Variants in NECTIN2 observed in about 807,000 individuals in gnomAD.
NECTIN2 encodes the protein nectin cell adhesion molecule 2, also known as nectin-2.
A neutral mutation model predicts 56.9 loss-of-function variants in NECTIN2; 23 were observed. The ratio of observed to expected loss-of-function variants is 0.40; its 90% CI spans 0.29 to 0.57. NECTIN2 has a LOEUF of 0.57. NECTIN2 is among the 20% of genes least tolerant of loss of function. NECTIN2 has a pLI of 0.38. For synonymous variants in NECTIN2, 302 were observed against 313.8 expected (o/e 0.96, Z 0.40); for missense variants, 587 against 718.3 (o/e 0.82, Z 2.09).
In NECTIN2 at chr19:44,865,575, G is replaced by T. The variant is rs528180868; in HGVS notation, c.393G>T (p.Thr131=). The T allele has an allele frequency of 5.2e-6, 8 of 1,550,238 alleles. No homozygotes were observed. In the African/African-American group the frequency reaches 1.1e-4, roughly 21 times the overall value. The change falls in exon 2 of 9, where the codon ACG becomes ACT. Residue 131 remains threonine, a synonymous_variant. Transcript: ENST00000252483. This position sits in a 1 kb window ranked among gnomAD's most constrained non-coding sequence, Gnocchi z 5.2. ...CCACGCTGGCCCTCCACGGGCTCAC[G>T]GTGGAGGACGAGGGCAACTACACTT... ...QDATLALHGL[T]VEDEGNYTCE... is the part of the protein sequence containing the mutation.
intron 3 of NECTIN2, 93 bp downstream of exon 3, chr19:44,872,242 G>T: frequency 1.4e-6 from 2 of 1,449,798 alleles, no homozygotes; most frequent in Non-Finnish European, 1.9e-6. Flanking sequence ...TGTTGTCTAC[G>T]TGGGTTCCCT....
Position 44,846,569 on chromosome 19 carries a change from C to CGCCGCTGCAGTG in NECTIN2, c.52_53insAGTGGCCGCTGC (p.Leu17_Leu18insGlnTrpProLeu). 6.6e-7 allele frequency: 1 copy of CGCCGCTGCAGTG among 1,524,182 alleles called. No individual in the cohort carries two copies. Among genetic ancestry groups the CGCCGCTGCAGTG allele is most frequent in the Non-Finnish European group, 8.8e-7 (1 of 1,142,468 alleles). The allele number at this position is 1,524,182 out of a possible 1,614,324, so 94.4% of individuals were successfully genotyped here. ...CTCCTGCCGTCGAGATCGCCGCCGA[C>CGCCGCTGCAGTG]GCCGCTGCTGTGGCCGCTGCTGCTG... On this transcript the variant is annotated inframe_insertion, in exon 1 of 9. Coordinates refer to ENST00000252483, the MANE Select transcript of NECTIN2 (RefSeq NM_001042724.2).
At chr19:44,850,296 A>C (rs2122624870) in intron 1 of NECTIN2, among the ~76,000 whole-genome samples, 1 of 152,122 alleles carries the variant, frequency 6.6e-6, no homozygotes, top group East Asian at 1.9e-4. Flanking sequence ...GAGATAGAAG[A>C]GGCCCCGGAA....
chr19:44,874,543 G>T lies in NECTIN2; in HGVS notation c.1042+65G>T. 3.1e-6 allele frequency: 5 copies of T among 1,591,812 alleles called. No homozygotes were observed. The highest frequency in any genetic ancestry group is 4.3e-6 in the Non-Finnish European group (5 of 1,171,246). On this transcript the variant is annotated intron_variant, in intron 5 of 8. Transcript: ENST00000252483. This position sits in a 1 kb window ranked among gnomAD's most constrained non-coding sequence, Gnocchi z 6.3. The stretch of plus-strand genomic sequence containing the variant: ...CGCTCCCCTGGAGTTCTGCCCTTCA[G>T]GACTTGGGGCTGCACTGGGGGAGGC...
chr19:44,880,210 C>CAG (rs1969292539), intron 5 of NECTIN2, among the ~76,000 whole-genome samples: 1 of 149,514 alleles, frequency 6.7e-6, no homozygotes, highest in Admixed American at 6.6e-5. Context: ...AACCGGAGGG[C>CAG]AGGGGCGGGG....
intron 6 of NECTIN2, among the ~76,000 whole-genome samples, chr19:44,883,527 G>A (rs886238066): frequency 7.9e-5 from 12 of 152,072 alleles, no homozygotes; most frequent in African/African-American, 2.7e-4. Context: ...CACCCGCCTC[G>A]GCCTCCCAAA....
chr19:44,866,888 T>G (rs1361015917), intron 2 of NECTIN2, among the ~76,000 whole-genome samples: 9 of 151,866 alleles, frequency 5.9e-5, no homozygotes, highest in Non-Finnish European at 7.4e-5. Flanking sequence ...AAAGTCCGGG[T>G]GGGGCCGGGT....
chr19:44,856,161 T>G (rs1163403400), intron 1 of NECTIN2, among the ~76,000 whole-genome samples: 2 of 151,922 alleles, frequency 1.3e-5, no homozygotes, highest in Non-Finnish European at 2.9e-5. Flanking sequence ...ATTAGCTGAG[T>G]GTGGTGACAT....
At chr19:44,880,587 A>T (rs539211128) in intron 5 of NECTIN2, among the ~76,000 whole-genome samples, 1 of 140,096 alleles carries the variant, frequency 7.1e-6, no homozygotes, top group African/African-American at 2.7e-5. Flanking sequence ...TCCCAAGTTC[A>T]AGCAATTCTC....
In NECTIN2 at chr19:44,865,773, G is replaced by A. The variant is rs1969094014; in HGVS notation, c.478+113G>A. The A allele has an allele frequency of 8.2e-7, 1 of 1,224,616 alleles. No individual in the cohort carries two copies. The highest frequency in any genetic ancestry group is 2.9e-5 in the Admixed American group (1 of 34,520). The allele number at this position is 1,224,616 out of a possible 1,614,324, so 75.9% of individuals were successfully genotyped here. A position where few individuals can be genotyped will look rare whatever the true frequency, so the allele number is the denominator to read the frequency against. On this transcript the variant is annotated intron_variant, in intron 2 of 8. Transcript: ENST00000252483. The surrounding 1 kb of genome is among the most constrained non-coding windows in gnomAD (Gnocchi z 5.2). ...AGCTGTGAGGTTCACATTCTCTGTG[G>A]GTTTCCATCCATCAGCAAATGTTCA...
chr19:44,880,311 C>T (rs571298994), intron 5 of NECTIN2, among the ~76,000 whole-genome samples: 87 of 152,130 alleles, frequency 5.7e-4, no homozygotes, highest in Non-Finnish European at 5.3e-4. Flanking sequence ...TGCCGAACCT[C>T]AGGCACACAG....
At chr19:44,869,541 C>T (rs113793098) in intron 2 of NECTIN2, among the ~76,000 whole-genome samples, 6,575 of 138,596 alleles carry the variant, frequency 0.047, 207 homozygotes, top group Admixed American at 0.13. Flanking sequence ...TGCAGTGAGC[C>T]GAGATCGCAT....
At chr19:44,849,203 GCACAGGGTCGGGGGAGTGAAATACCGA>G (rs1246031622) in intron 1 of NECTIN2, among the ~76,000 whole-genome samples, 1 of 152,036 alleles carries the variant, frequency 6.6e-6, no homozygotes, top group Admixed American at 6.6e-5. Context: ...TGAAATGCCG[GCACAGGGTCGGGGGAGTGAAATACCGA>G]CACAGGGATG....
intron 1 of NECTIN2, among the ~76,000 whole-genome samples, chr19:44,847,509 G>A (rs530689444): frequency 1.1e-3 from 163 of 152,268 alleles, no homozygotes; most frequent in African/African-American, 3.7e-3. Context: ...ACAGAAGTGC[G>A]AGCAGCGGGC....
At chr19:44,861,048 A>G (rs1969027232) in intron 1 of NECTIN2, among the ~76,000 whole-genome samples, 1 of 152,164 alleles carries the variant, frequency 6.6e-6, no homozygotes, top group South Asian at 2.1e-4. Flanking sequence ...ACATGAAAAA[A>G]TGCTCAACAT....
chr19:44,860,689 T>C (rs1218111889), intron 1 of NECTIN2, among the ~76,000 whole-genome samples: 1 of 151,558 alleles, frequency 6.6e-6, no homozygotes, highest in African/African-American at 2.4e-5. Context: ...CAAGCTGGAG[T>C]GCAGAGGCGC....
chr19:44,878,641 G>A (rs757072409), intron 5 of NECTIN2: 2 of 1,567,336 alleles, frequency 1.3e-6, no homozygotes, highest in East Asian at 4.5e-5. Context: ...GACAGAGACA[G>A]AGCCAGGCCC....
At chr19:44,850,855 C>T (rs1289992317) in intron 1 of NECTIN2, among the ~76,000 whole-genome samples, 2 of 152,136 alleles carry the variant, frequency 1.3e-5, no homozygotes, top group Non-Finnish European at 2.9e-5. Context: ...GGCCAGTACT[C>T]AAAGCCTCTG....
At chr19:44,864,460 T>G (rs932236957) in intron 1 of NECTIN2, among the ~76,000 whole-genome samples, 8 of 152,196 alleles carry the variant, frequency 5.3e-5, no homozygotes, top group African/African-American at 1.7e-4. Context: ...CCCAAAGTGC[T>G]GAGATTGAAG....
Sources: allele counts gnomAD v4.1 joint callset (sites outside exome capture counted in the v4.1 genomes callset), GRCh38; gene constraint gnomAD v4.1.1; non-coding constraint Gnocchi (gnomAD v3.1); transcripts MANE v1.5; gene names NCBI Gene and HGNC (gene_info 2026-07-23, HGNC 2026-07-21).